The following CCDC172 variants were observed in gnomAD, a reference collection of about 807,000 sequenced individuals.
CCDC172 encodes the protein coiled-coil domain containing 172.
In CCDC172, 30 loss-of-function variants were observed where a neutral mutation model predicts 38.0. The observed-to-expected ratio is 0.79, with a 90% confidence interval of 0.59 to 1.07. The LOEUF (loss-of-function observed/expected upper bound fraction) is 1.07. CCDC172 is among the 50% of genes least tolerant of loss of function. The pLI is 0.00. For synonymous variants in CCDC172, 78 were observed against 88.3 expected (o/e 0.88, Z 0.66); for missense variants, 297 against 290.1 (o/e 1.02, Z -0.17).
intron 7 of CCDC172, among the ~76,000 whole-genome samples, chr10:116,363,017 C>A (rs189010114): frequency 7.9e-5 from 12 of 152,298 alleles, no homozygotes; most frequent in Non-Finnish European, 1.6e-4. Context: ...ATAAATGTAA[C>A]TTTTCCCCTA....
At chr10:116,332,738 G>GT (rs1844680060) in intron 3 of CCDC172, among the ~76,000 whole-genome samples, 1 of 151,498 alleles carries the variant, frequency 6.6e-6, no homozygotes, top group Admixed American at 6.6e-5. Flanking sequence ...GTACAGATAT[G>GT]GTTTTTTTTT....
intron 3 of CCDC172, among the ~76,000 whole-genome samples, chr10:116,338,659 T>C (rs533959918): frequency 6.6e-6 from 1 of 152,240 alleles, no homozygotes; most frequent in Non-Finnish European, 1.5e-5. Flanking sequence ...ATATTGGTTA[T>C]TCTCCCTTTT....
At chr10:116,334,573 C>T (rs371172285) in intron 3 of CCDC172, among the ~76,000 whole-genome samples, 13 of 151,748 alleles carry the variant, frequency 8.6e-5, no homozygotes, top group African/African-American at 1.2e-4. Flanking sequence ...TTAATTGCTG[C>T]GTAGTATTCC....
chr10:116,347,632 A>C (rs990325302), intron 5 of CCDC172, among the ~76,000 whole-genome samples: 2 of 152,146 alleles, frequency 1.3e-5, no homozygotes, highest in African/African-American at 4.8e-5. Context: ...CATGATTAAC[A>C]ATGAAACTCT....
chr10:116,357,404 G>A lies in CCDC172; in HGVS notation c.473G>A (p.Ser158Asn). ...GAAATGAAGTCAATGGAACATGATA[G>A]TAGCCAGTTAAATGAACTTCAAAAA... ...KSEMKSMEHDSSQLNELQKQK... is the reference protein window; with the variant it reads ...KSEMKSMEHDNSQLNELQKQK... The change falls in exon 6 of 9, where the codon AGT (serine) becomes AAT (asparagine). Residue 158 changes from serine (S) to asparagine (N), a missense_variant. Ser to Asn is a conservative substitution (Grantham distance 46, BLOSUM62 1). Coordinates refer to ENST00000333254, the MANE Select transcript of CCDC172 (RefSeq NM_198515.3). 1.3e-6 allele frequency: 2 copies of A among 1,574,776 alleles called. No individual in the cohort carries two copies. The highest frequency in any genetic ancestry group is 8.6e-7 in the Non-Finnish European group (1 of 1,163,760).
chr10:116,355,613 A>G (rs547567992), intron 5 of CCDC172, among the ~76,000 whole-genome samples: 3 of 152,342 alleles, frequency 2.0e-5, no homozygotes, highest in African/African-American at 7.2e-5. Flanking sequence ...GGGCATATAT[A>G]TACAGTGGAA....
rs1018235751 is a variant in CCDC172, at chr10:116,357,481, G to A, written c.550G>A (p.Val184Ile). Residue 184 changes from valine to isoleucine, a missense_variant and splice_region_variant, in exon 6 of 9, where the codon GTT (valine) becomes ATT (isoleucine). Transcript: ENST00000333254. ...ATTTACTCTCCAAAGAAAACTTAAA[G>A]GTATTACCTTCATGAGTTAGCTTAT... is the stretch of plus-strand genomic sequence containing the variant. ...ELFTLQRKLK[V>I]FEDEENESIC... 1.3e-6 allele frequency: 2 copies of A among 1,544,122 alleles called. No homozygotes were observed. The highest frequency in any genetic ancestry group is 2.1e-5 in the Admixed American group (1 of 46,940).
At chr10:116,358,741 A>G (rs1845030953) in intron 7 of CCDC172, among the ~76,000 whole-genome samples, 1 of 152,218 alleles carries the variant, frequency 6.6e-6, no homozygotes. Context: ...GTTAAGTTTT[A>G]TAAGCATAAA....
rs117152654 is a variant in CCDC172 at position 116,331,950 on chromosome 10, G to A, written c.165+6562G>A. On this transcript the variant is annotated intron_variant, in intron 3 of 8. Transcript: ENST00000333254. Reference sequence around the variant, plus strand: ...ACTCGTTTTCCACTCATGGCTCAATGGGATATAGCTCACTTATACACTGCA... The same window carrying A: ...ACTCGTTTTCCACTCATGGCTCAATAGGATATAGCTCACTTATACACTGCA... 7.1e-4 allele frequency among the ~76,000 whole-genome samples: 108 copies of A among 152,226 alleles called. No homozygotes were observed. In the East Asian group the frequency reaches 0.017, roughly 25 times the overall value.
At chr10:116,369,950 T>G (rs917307440) in intron 7 of CCDC172, among the ~76,000 whole-genome samples, 2 of 151,952 alleles carry the variant, frequency 1.3e-5, no homozygotes, top group Non-Finnish European at 2.9e-5. Context: ...CAACTCTTCA[T>G]TATGAGTGAA....
chr10:116,350,943 GA>G (rs1202509583), intron 5 of CCDC172, among the ~76,000 whole-genome samples: 2 of 151,920 alleles, frequency 1.3e-5, no homozygotes, highest in East Asian at 3.9e-4. Flanking sequence ...AAACAAGTAG[GA>G]AAAAAAGTTA....
Position 116,379,312 on chromosome 10 carries a change from T to G in CCDC172, c.742-11T>G. ...TTTTCCTCATGAGTAATTACTATGT[T>G]TTCTTTTCAGACATTGGCACAGAAA... On this transcript the variant is annotated splice_polypyrimidine_tract_variant and intron_variant, in intron 8 of 8. Transcript: ENST00000333254. 1 of 1,555,486 alleles carries G rather than the reference T, an allele frequency of 6.4e-7. No homozygotes were observed. Among genetic ancestry groups the G allele is most frequent in the Non-Finnish European group, 8.7e-7 (1 of 1,146,630 alleles).
chr10:116,357,340 C>G, intron 5 of CCDC172, 40 bp from the exon 6 acceptor site: 1 of 1,314,190 alleles, frequency 7.6e-7, no homozygotes, highest in Non-Finnish European at 1.0e-6. Flanking sequence ...AAATTTATTT[C>G]TAAGTATTTT....
intron 5 of CCDC172, among the ~76,000 whole-genome samples, chr10:116,354,462 G>A (rs933856167): frequency 1.3e-5 from 2 of 152,002 alleles, no homozygotes; most frequent in African/African-American, 4.8e-5. Flanking sequence ...GGTGGCTCAC[G>A]ACTGTAATCC....
At chr10:116,335,254 T>C (rs945395030) in intron 3 of CCDC172, among the ~76,000 whole-genome samples, 1 of 152,084 alleles carries the variant, frequency 6.6e-6, no homozygotes, top group African/African-American at 2.4e-5. Context: ...CCTGAGTAAA[T>C]GTCACATGTT....
In CCDC172 at chr10:116,335,727, C is replaced by T. The variant is rs2260194; in HGVS notation, c.166-5007C>T. On this transcript the variant is annotated intron_variant, in intron 3 of 8. Coordinates refer to ENST00000333254, the MANE Select transcript of CCDC172 (RefSeq NM_198515.3). ...TTGTATTTTGTTTGTCTTGATTTTG[C>T]TGTCACGAATGGGATATTTTCCATG... 8.1e-3 allele frequency among the ~76,000 whole-genome samples: 1,239 copies of T among 152,126 alleles called. 15 individuals carry two copies. Among genetic ancestry groups the T allele is most frequent in the African/African-American group, 0.028 (1,177 of 41,514 alleles).
intron 5 of CCDC172, among the ~76,000 whole-genome samples, chr10:116,343,957 C>G (rs1421805689): frequency 6.6e-6 from 1 of 152,086 alleles, no homozygotes; most frequent in Non-Finnish European, 1.5e-5. Flanking sequence ...TCTTTACCCT[C>G]AAGACATTTC....
chr10:116,348,138 AG>A (rs1174632001), intron 5 of CCDC172, among the ~76,000 whole-genome samples: 1 of 151,160 alleles, frequency 6.6e-6, no homozygotes, highest in Non-Finnish European at 1.5e-5. Context: ...CTATTCCTTC[AG>A]GGTTCAAAAG....
At chr10:116,330,507 A>G (rs1844647576) in intron 3 of CCDC172, among the ~76,000 whole-genome samples, 1 of 152,176 alleles carries the variant, frequency 6.6e-6, no homozygotes, top group African/African-American at 2.4e-5. Context: ...TTTTATTATA[A>G]CATAGAATGA....
Sources: allele counts gnomAD v4.1 joint callset (sites outside exome capture counted in the v4.1 genomes callset), GRCh38; gene constraint gnomAD v4.1.1; transcripts MANE v1.5; gene names NCBI Gene and HGNC (gene_info 2026-07-23, HGNC 2026-07-21).